The following OPCML variants were observed in gnomAD, a reference collection of about 807,000 sequenced individuals.
OPCML encodes opioid binding protein/cell adhesion molecule like.
OPCML carries 13 observed loss-of-function variants against 37.8 expected under a neutral mutation model. The ratio of observed to expected loss-of-function variants is 0.34; its 90% CI spans 0.22 to 0.55. The LOEUF (loss-of-function observed/expected upper bound fraction) is 0.55, where lower values mean the gene tolerates loss of function less well. Ranked by LOEUF, OPCML falls within the 20% of genes least tolerant of loss-of-function variation. The pLI, the probability that OPCML is intolerant of heterozygous loss-of-function variation, is 0.91. For missense variants in OPCML, 341 were observed against 435.6 expected (o/e 0.78, Z 1.93); for synonymous variants, 176 against 168.8 (o/e 1.04, Z -0.33).
At chr11:132,908,269 A>C (rs905178825) in intron 2 of OPCML, among the ~76,000 whole-genome samples, 1 of 150,534 alleles carries the variant, frequency 6.6e-6, no homozygotes, top group Non-Finnish European at 1.5e-5. Flanking sequence ...CCCCCAAAGA[A>C]ACATAAGGTC....
At chr11:132,663,859 G>A (rs1942096121) in intron 2 of OPCML, among the ~76,000 whole-genome samples, 1 of 152,164 alleles carries the variant, frequency 6.6e-6, no homozygotes. Context: ...TTGAGACGGA[G>A]TCTCACTCTG....
rs1355676344 is a variant in OPCML at position 133,208,707 on chromosome 11, A to G, written c.62-265697T>C. Reference sequence around the variant, plus strand: ...CTGAAGGAATTTCTAAGCACTAGCCATCCAAGTGAATAAAGGCTGCTGTAA... The same window carrying G: ...CTGAAGGAATTTCTAAGCACTAGCCGTCCAAGTGAATAAAGGCTGCTGTAA... On this transcript the variant is annotated intron_variant, in intron 1 of 7. Transcript: ENST00000524381. The surrounding 1 kb of genome is among the most constrained non-coding windows in gnomAD (Gnocchi z 8.9). Among the ~76,000 whole-genome samples, 1 of 152,206 alleles carries G rather than the reference A, an allele frequency of 6.6e-6. No homozygotes were observed. Among genetic ancestry groups the G allele is most frequent in the African/African-American group, 2.4e-5 (1 of 41,454 alleles).
intron 2 of OPCML, among the ~76,000 whole-genome samples, chr11:132,856,444 G>T (rs1011231017): frequency 1.3e-5 from 2 of 152,166 alleles, no homozygotes; most frequent in East Asian, 3.9e-4. Context: ...AATGTCAGGT[G>T]TCTATCAGGT....
intron 4 of OPCML, among the ~76,000 whole-genome samples, chr11:132,455,763 A>ATTCG (rs1202368023): frequency 1.6e-4 from 4 of 25,080 alleles, no homozygotes; most frequent in Admixed American, 6.3e-4. Context: ...TCTTTGTCAA[A>ATTCG]TTCATTCATT....
intron 1 of OPCML, among the ~76,000 whole-genome samples, chr11:133,369,225 G>A (rs1340062208): frequency 6.6e-6 from 1 of 152,162 alleles, no homozygotes; most frequent in Admixed American, 6.5e-5. Context: ...TAACTTAAAT[G>A]AATTATCATG....
intron 1 of OPCML, among the ~76,000 whole-genome samples, chr11:133,052,851 G>A (rs1443420347): frequency 2.0e-5 from 3 of 152,226 alleles, no homozygotes; most frequent in African/African-American, 7.2e-5. Context: ...GGAAAGCAGA[G>A]GCCTGAGCCC....
At chr11:132,527,666 C>G (rs1208953368) in intron 4 of OPCML, among the ~76,000 whole-genome samples, 4 of 151,996 alleles carry the variant, frequency 2.6e-5, no homozygotes, top group Non-Finnish European at 5.9e-5. Context: ...GTCTGTGTCT[C>G]CACCGAAGGT....
At position 132,914,088 on chromosome 11, in the gene OPCML, C is replaced by T. The variant is rs182550540; in HGVS notation, c.146+28838G>A. 5.6e-3 allele frequency among the ~76,000 whole-genome samples: 858 copies of T among 152,302 alleles called. 12 individuals are homozygous for T. Among genetic ancestry groups the T allele is most frequent in the African/African-American group, 0.019 (807 of 41,564 alleles). ...TCACTGCTCTCACAAAACAAGTTCCCAATTGTCTCTGCTGCGAGGAGGTAA... is the reference window on the plus strand; with the variant it reads ...TCACTGCTCTCACAAAACAAGTTCCTAATTGTCTCTGCTGCGAGGAGGTAA... On this transcript the variant is annotated intron_variant, in intron 2 of 7. Coordinates refer to ENST00000524381, the MANE Select transcript of OPCML (RefSeq NM_001012393.5).
chr11:132,614,180 G>A (rs1425724186), intron 3 of OPCML, among the ~76,000 whole-genome samples: 1 of 152,162 alleles, frequency 6.6e-6, no homozygotes, highest in East Asian at 1.9e-4. Context: ...TCCGCTGCTT[G>A]TGCTGCCCAG....
chr11:133,030,850 T>A (rs1947653109), intron 1 of OPCML, among the ~76,000 whole-genome samples: 1 of 152,132 alleles, frequency 6.6e-6, no homozygotes, highest in East Asian at 1.9e-4. Flanking sequence ...AATCCAAGCA[T>A]TCCATCGTCC....
At chr11:133,222,414 C>G (rs1939875764) in intron 1 of OPCML, among the ~76,000 whole-genome samples, 1 of 152,174 alleles carries the variant, frequency 6.6e-6, no homozygotes, top group Non-Finnish European at 1.5e-5. Flanking sequence ...GCAAAGCCAA[C>G]AGGACGAGCT....
chr11:132,900,529 C>A (rs1036839402), intron 2 of OPCML, among the ~76,000 whole-genome samples: 1 of 152,170 alleles, frequency 6.6e-6, no homozygotes, highest in Non-Finnish European at 1.5e-5. Flanking sequence ...ACAAACAAAA[C>A]ATTTTTCATG....
chr11:132,689,015 A>T lies in OPCML; in HGVS notation c.147-31696T>A, dbSNP rs369495076. Among the ~76,000 whole-genome samples, 10 of 151,588 alleles carry T rather than the reference A, an allele frequency of 6.6e-5. No individual in the cohort carries two copies. The South Asian group carries it at 1.0e-3, about 16-fold the overall frequency. On this transcript the variant is annotated intron_variant, in intron 2 of 7. Coordinates refer to ENST00000524381, the MANE Select transcript of OPCML (RefSeq NM_001012393.5). ...AAGCTCCTTTTTGTGTATTTGAGAA[A>T]CAAATTGTTAGTAAAATGAGCTGAC...
intron 3 of OPCML, among the ~76,000 whole-genome samples, chr11:132,598,266 T>C (rs150100851): frequency 8.5e-4 from 129 of 152,306 alleles, no homozygotes; most frequent in African/African-American, 3.1e-3. Flanking sequence ...CTATTTTTGG[T>C]ATGTGTCTGT....
chr11:132,592,087 T>A (rs182992290), intron 3 of OPCML, among the ~76,000 whole-genome samples: 26 of 152,200 alleles, frequency 1.7e-4, no homozygotes, highest in African/African-American at 6.0e-4. Context: ...ATAAACAGAG[T>A]TGTTTCCAAA....
intron 1 of OPCML, among the ~76,000 whole-genome samples, chr11:133,517,828 C>T (rs546453285): frequency 5.9e-5 from 9 of 152,270 alleles, no homozygotes; most frequent in Middle Eastern, 6.8e-3. Context: ...TAACCACAGC[C>T]GCTCTTTCAG....
intron 3 of OPCML, 136 bp from the exon 4 acceptor site, chr11:132,529,322 T>C: frequency 9.0e-7 from 1 of 1,112,612 alleles, no homozygotes; most frequent in East Asian, 2.7e-5. Context: ...AGTTGCTTGA[T>C]TTGCCAAGGA....
intron 3 of OPCML, among the ~76,000 whole-genome samples, chr11:132,531,206 G>A (rs2096324098): frequency 6.6e-6 from 1 of 152,146 alleles, no homozygotes; most frequent in Non-Finnish European, 1.5e-5. Flanking sequence ...ATCCAAAACA[G>A]ATTGAAAAGA....
intron 3 of OPCML, among the ~76,000 whole-genome samples, chr11:132,607,018 G>T (rs1938346415): frequency 6.6e-6 from 1 of 152,114 alleles, no homozygotes; most frequent in African/African-American, 2.4e-5. Flanking sequence ...GTTATATTTT[G>T]GCTTCTGATG....
Sources: allele counts gnomAD v4.1 joint callset (sites outside exome capture counted in the v4.1 genomes callset), GRCh38; gene constraint gnomAD v4.1.1; non-coding constraint Gnocchi (gnomAD v3.1); transcripts MANE v1.5; gene names NCBI Gene and HGNC (gene_info 2026-07-23, HGNC 2026-07-21).